LRRC71: variants seen among roughly 807,000 people sequenced by gnomAD.
The protein encoded by LRRC71 is leucine-rich repeat-containing protein 71.
A neutral mutation model predicts 66.6 loss-of-function variants in LRRC71; 54 were observed. That is an observed-to-expected ratio of 0.81 (90% confidence interval 0.65 to 1.02). The LOEUF (loss-of-function observed/expected upper bound fraction) is 1.02. LRRC71 is among the 50% of genes least tolerant of loss of function. The probability of loss-of-function intolerance (pLI) is 0.00; values close to 1 mark genes in which losing one functional copy is unlikely to be tolerated. For synonymous variants in LRRC71, 323 were observed against 303.9 expected (o/e 1.06, Z -0.65); for missense variants, 724 against 718.0 (o/e 1.01, Z -0.10).
At chr1:156,927,090 C>A in intron 5 of LRRC71, 112 bp from the exon 6 acceptor site, 1 of 879,768 alleles carries the variant, frequency 1.1e-6, no homozygotes, top group Admixed American at 2.3e-5. Flanking sequence ...GGGGGGCAAT[C>A]CTTTGACTCT....
rs922925488 is a variant in LRRC71, at chr1:156,932,920, C to T, written c.1631C>T (p.Pro544Leu). 14 of 1,601,640 alleles carry T rather than the reference C, an allele frequency of 8.7e-6. No homozygotes were observed. Among genetic ancestry groups the T allele is most frequent in the African/African-American group, 2.7e-5 (2 of 74,572 alleles). ...IIQELMLPRD[P>L]IKAKLREDEA... ...CAGGAGCTGATGTTGCCAAGGGATC[C>T]CATCAAGGCCAAACTCAGGGAGGAT... The change falls in exon 15 of 15, where the codon CCC (proline) becomes CTC (leucine). Residue 544 changes from proline (P) to leucine (L), a missense_variant. Pro to Leu is a moderately conservative substitution (Grantham distance 98, BLOSUM62 -3). Coordinates refer to ENST00000337428, the MANE Select transcript of LRRC71 (RefSeq NM_144702.3).
downstream of LRRC71, among the ~76,000 whole-genome samples, chr1:156,933,484 T>C (rs113245903): frequency 1.3e-3 from 201 of 152,330 alleles, 1 homozygote; most frequent in African/African-American, 4.5e-3. Context: ...CTGGCCCAGG[T>C]GTTTGACTGC....
the LRRC71 span, chr1:156,938,582 C>G: frequency 2.7e-6 from 4 of 1,500,684 alleles, no homozygotes; most frequent in Non-Finnish European, 3.7e-6. Context: ...GGAGAGAGAA[C>G]AGGAAGGAGA....
rs376074201 is a variant in LRRC71 at position 156,932,916 on chromosome 1, G to T, written c.1627G>T (p.Asp543Tyr). The T allele has an allele frequency of 1.7e-4, 275 of 1,603,750 alleles. 1 individual carries two copies. The South Asian group carries it at 3.0e-3, about 18-fold the overall frequency. The change falls in exon 15 of 15, where the codon GAT becomes TAT. Residue 543 changes from aspartate (D) to tyrosine (Y), a missense_variant. Coordinates refer to ENST00000337428, the MANE Select transcript of LRRC71 (RefSeq NM_144702.3). The stretch of plus-strand genomic sequence containing the variant: ...AATCCAGGAGCTGATGTTGCCAAGG[G>T]ATCCCATCAAGGCCAAACTCAGGGA... Reference protein sequence around the residue: ...AIIQELMLPRDPIKAKLREDE... With the variant: ...AIIQELMLPRYPIKAKLREDE...
chr1:156,929,834 T>C (rs982143273), intron 11 of LRRC71, 105 bp downstream of exon 11: 9 of 895,968 alleles, frequency 1.0e-5, no homozygotes, highest in Non-Finnish European at 1.4e-5. Context: ...TGCCTGGAGC[T>C]CATCTCGCCA....
the LRRC71 span, among the ~76,000 whole-genome samples, chr1:156,940,746 G>A: frequency 6.6e-6 from 1 of 152,214 alleles, no homozygotes; most frequent in Non-Finnish European, 1.5e-5. Context: ...GGGGCTAGGG[G>A]CTGGACAGTG....
chr1:156,937,284 T>C (rs376286359), downstream of LRRC71: 1 of 1,613,904 alleles, frequency 6.2e-7, no homozygotes, highest in East Asian at 2.2e-5. Context: ...AGCTGCTCAA[T>C]GGTATGGAAG....
chr1:156,940,163 C>A, the LRRC71 span: 1 of 1,527,296 alleles, frequency 6.5e-7, no homozygotes, highest in African/African-American at 1.4e-5. Context: ...ACTGGGTGTG[C>A]GACTGGGGAC....
At chr1:156,934,388 G>T (rs1315709464), downstream of LRRC71, among the ~76,000 whole-genome samples, 1 of 152,124 alleles carries the variant, frequency 6.6e-6, no homozygotes, top group Admixed American at 6.5e-5. Flanking sequence ...GATGTGGATG[G>T]ATGATGACAG....
At chr1:156,936,907 T>C (rs1430758705), downstream of LRRC71, 2 of 1,614,080 alleles carry the variant, frequency 1.2e-6, no homozygotes, top group Non-Finnish European at 1.7e-6. Context: ...CATCTGTCCA[T>C]CTAGCTGCTT....
chr1:156,928,524 C>CTCT (rs200476185), intron 9 of LRRC71, among the ~76,000 whole-genome samples: 12 of 135,696 alleles, frequency 8.8e-5, no homozygotes, highest in Middle Eastern at 3.9e-3. Flanking sequence ...CTTCCTCTTC[C>CTCT]TCTTCTTCTT....
Position 156,927,533 on chromosome 1 carries a change from G to C in LRRC71, c.700G>C (p.Asp234His), listed in dbSNP as rs1653395007. 7.1e-6 allele frequency: 11 copies of C among 1,551,436 alleles called. No homozygotes were observed. The highest frequency in any genetic ancestry group is 9.6e-6 in the Non-Finnish European group (11 of 1,150,246). ...GTCTCTGCGGAACAATAACATCGAC[G>C]ACCGCGGGGCGCAACTCCTGGGCCA... ...HLSLRNNNID[D>H]RGAQLLGQAL... The change falls in exon 7 of 15, where the codon GAC (aspartate) becomes CAC (histidine). Residue 234 changes from aspartate to histidine, a missense_variant. Transcript: ENST00000337428.
At chr1:156,930,680 C>T (rs939792335) in intron 12 of LRRC71, 63 bp downstream of exon 12, 43 of 1,431,656 alleles carry the variant, frequency 3.0e-5, no homozygotes, top group Admixed American at 1.8e-4. Flanking sequence ...TTGCCTGAGA[C>T]GTCTCACCCC....
chr1:156,920,940 G>A lies in LRRC71; in HGVS notation c.137G>A (p.Gly46Glu). ...CCAGCGACCGTTCTGCCTCCCGTGG[G>A]GGAGGAGGAGCCCAAAAGCCCTGGT... Reference protein sequence around the residue: ...EKPATVLPPVGEEEPKSPEEY... With the variant: ...EKPATVLPPVEEEEPKSPEEY... Residue 46 changes from glycine to glutamate, a missense_variant, in exon 1 of 15, where the codon GGG (glycine) becomes GAG (glutamate). Coordinates refer to ENST00000337428, the MANE Select transcript of LRRC71 (RefSeq NM_144702.3). This position sits in a 1 kb window ranked among gnomAD's most constrained non-coding sequence, Gnocchi z 4.9. 1 of 1,534,582 alleles carries A rather than the reference G, an allele frequency of 6.5e-7. No homozygotes were observed.
Position 156,932,930 on chromosome 1 carries a change from C to T in LRRC71, c.1641C>T (p.Ala547=). 2 of 1,598,300 alleles carry T rather than the reference C, an allele frequency of 1.3e-6. No homozygotes were observed. Among genetic ancestry groups the T allele is most frequent in the Non-Finnish European group, 8.5e-7 (1 of 1,172,252 alleles). The change falls in exon 15 of 15, where the codon GCC becomes GCT. Residue 547 remains alanine, a synonymous_variant. Coordinates refer to ENST00000337428, the MANE Select transcript of LRRC71 (RefSeq NM_144702.3). ...ELMLPRDPIK[A]KLREDEAMAF... is the part of the protein sequence containing the mutation. ...TGTTGCCAAGGGATCCCATCAAGGCCAAACTCAGGGAGGATGAGGCCATGG... is the reference window on the plus strand; with the variant it reads ...TGTTGCCAAGGGATCCCATCAAGGCTAAACTCAGGGAGGATGAGGCCATGG...
At chr1:156,932,223 A>AT (rs1654477869) in intron 13 of LRRC71, 196 bp downstream of exon 13, 1 of 659,682 alleles carries the variant, frequency 1.5e-6, no homozygotes, top group Non-Finnish European at 2.7e-6. Flanking sequence ...AGGACAGGCG[A>AT]TTGGAGTAAT....
At chr1:156,928,563 C>CTTTTTTTTTTTTTTTT (rs58180096) in intron 9 of LRRC71, among the ~76,000 whole-genome samples, 1 of 80,244 alleles carries the variant, frequency 1.2e-5, no homozygotes, top group Non-Finnish European at 2.3e-5. Context: ...CTTCTTCTTA[C>CTTTTTTTTTTTTTTTT]TTTTTTTTTT....
chr1:156,920,809 G>A lies in LRRC71; in HGVS notation c.6G>A (p.Ser2=), dbSNP rs1652237895. M[S]SEQSAPGASP... ...ACGCTGCGGACAACACCAGCATGTC[G>A]AGCGAGCAGAGCGCGCCGGGGGCCT... Residue 2 remains serine, a synonymous_variant, in exon 1 of 15, where the codon TCG becomes TCA. Coordinates refer to ENST00000337428, the MANE Select transcript of LRRC71 (RefSeq NM_144702.3). The surrounding 1 kb of genome is among the most constrained non-coding windows in gnomAD (Gnocchi z 4.9). 6.6e-7 allele frequency: 1 copy of A among 1,520,346 alleles called. No homozygotes were observed. The highest frequency in any genetic ancestry group is 8.8e-7 in the Non-Finnish European group (1 of 1,131,848). 94.2% of individuals were successfully genotyped at this position (1,520,346 alleles called of 1,614,324 possible). A position where few individuals can be genotyped will look rare whatever the true frequency, so the allele number is the denominator to read the frequency against.
chr1:156,936,511 T>C (rs1232807437), downstream of LRRC71, among the ~76,000 whole-genome samples: 1 of 125,712 alleles, frequency 8.0e-6, no homozygotes, highest in South Asian at 2.5e-4. Flanking sequence ...TATATATATA[T>C]ATATATATAT....
Sources: allele counts gnomAD v4.1 joint callset (sites outside exome capture counted in the v4.1 genomes callset), GRCh38; gene constraint gnomAD v4.1.1; non-coding constraint Gnocchi (gnomAD v3.1); transcripts MANE v1.5; gene names NCBI Gene and HGNC (gene_info 2026-07-23, HGNC 2026-07-21).